The following BICD1 variants were observed in gnomAD, a reference collection of about 807,000 sequenced individuals.
The protein encoded by BICD1 is protein bicaudal D homolog 1.
In BICD1, 35 loss-of-function variants were observed where a neutral mutation model predicts 92.5. The observed-to-expected ratio is 0.38, with a 90% CI of 0.29 to 0.50. The LOEUF is 0.50. Ranked by LOEUF, BICD1 falls within the 20% of genes least tolerant of loss-of-function variation. BICD1 has a pLI of 0.93. For missense variants in BICD1, 950 were observed against 1,189.8 expected (o/e 0.80, Z 2.97); for synonymous variants, 429 against 465.1 (o/e 0.92, Z 1.00).
At chr12:32,116,504 C>CTATATATATATATATA (rs1486131484) in intron 1 of BICD1, among the ~76,000 whole-genome samples, 2 of 82,126 alleles carry the variant, frequency 2.4e-5, no homozygotes, top group East Asian at 3.7e-4. Context: ...CTCTCTCTCT[C>CTATATATATATATATA]TCTCTCTATA....
At chr12:32,221,372 TAAATAA>T (rs1484604341) in intron 2 of BICD1, among the ~76,000 whole-genome samples, 6 of 150,360 alleles carry the variant, frequency 4.0e-5, no homozygotes, top group East Asian at 2.0e-4. Flanking sequence ...AATAAATAAA[TAAATAA>T]AAATAAATAA....
At chr12:32,233,240 T>G (rs1368906187) in intron 2 of BICD1, among the ~76,000 whole-genome samples, 1 of 149,200 alleles carries the variant, frequency 6.7e-6, no homozygotes, top group African/African-American at 2.5e-5. Flanking sequence ...GAGAATCGCT[T>G]GAACCCAGGA....
intron 2 of BICD1, among the ~76,000 whole-genome samples, chr12:32,285,335 T>A (rs1947533299): frequency 6.6e-6 from 1 of 152,190 alleles, no homozygotes; most frequent in African/African-American, 2.4e-5. Context: ...ATAATTATCA[T>A]GTAATCTTAA....
intron 5 of BICD1, among the ~76,000 whole-genome samples, chr12:32,331,184 G>A (rs1456463693): frequency 6.6e-6 from 1 of 151,918 alleles, no homozygotes; most frequent in African/African-American, 2.4e-5. Flanking sequence ...TATAGATAAG[G>A]ACACTTGGCC....
intron 4 of BICD1, among the ~76,000 whole-genome samples, chr12:32,316,883 G>A (rs1948519336): frequency 6.6e-6 from 1 of 152,040 alleles, no homozygotes; most frequent in East Asian, 1.9e-4. Context: ...AGTCCCCGGT[G>A]TGTGATGTTC....
At chr12:32,239,300 C>T (rs1946168561) in intron 2 of BICD1, among the ~76,000 whole-genome samples, 1 of 149,732 alleles carries the variant, frequency 6.7e-6, no homozygotes, top group Non-Finnish European at 1.5e-5. Context: ...GGCGCTGTGG[C>T]TTACGCCTGT....
intron 1 of BICD1, among the ~76,000 whole-genome samples, chr12:32,155,788 G>A (rs1041111922): frequency 2.0e-5 from 3 of 152,222 alleles, no homozygotes; most frequent in Non-Finnish European, 4.4e-5. Context: ...TTTACATTAA[G>A]TGGTTTTATA....
intron 8 of BICD1, among the ~76,000 whole-genome samples, chr12:32,342,150 A>ATGTGTGTATATATATG (rs1396680644): frequency 1.4e-5 from 2 of 145,766 alleles, no homozygotes; most frequent in African/African-American, 5.0e-5. Flanking sequence ...GTGTATATAT[A>ATGTGTGTATATATATG]TGTGTGTATA....
chr12:32,329,109 T>A (rs556214614), intron 5 of BICD1, among the ~76,000 whole-genome samples: 29 of 152,106 alleles, frequency 1.9e-4, no homozygotes, highest in African/African-American at 7.0e-4. Context: ...ATTATTATTT[T>A]TTATTTTTGT....
intron 1 of BICD1, among the ~76,000 whole-genome samples, chr12:32,196,506 T>C (rs1363275651): frequency 2.6e-5 from 4 of 152,200 alleles, no homozygotes; most frequent in African/African-American, 9.7e-5. Flanking sequence ...GAGGACATGA[T>C]GGTAAGTAAA....
At chr12:32,162,420 G>A (rs570735598) in intron 1 of BICD1, among the ~76,000 whole-genome samples, 36 of 152,306 alleles carry the variant, frequency 2.4e-4, no homozygotes, top group Middle Eastern at 3.4e-3. Context: ...AATGACATGA[G>A]GCAGTGATTA....
intron 2 of BICD1, among the ~76,000 whole-genome samples, chr12:32,257,744 C>G (rs961065562): frequency 1.3e-5 from 2 of 152,122 alleles, no homozygotes; most frequent in Non-Finnish European, 1.5e-5. Context: ...AAATTACTAT[C>G]CACAGTAAAT....
chr12:32,368,050 G>A lies in BICD1; in HGVS notation c.2840+305G>A, dbSNP rs141934073. 344 of 267,998 alleles carry A rather than the reference G, an allele frequency of 1.3e-3. 4 individuals carry two copies. Among genetic ancestry groups the A allele is most frequent in the African/African-American group, 7.2e-3 (336 of 46,366 alleles). The allele number at this position is 267,998 out of a possible 1,614,324, so 16.6% of individuals were successfully genotyped here. ...CATTCCTTTCCAAAAAATAAAAGCTGGAATTGTTATGATGTTTGTCCTACT... is the reference window on the plus strand; with the variant it reads ...CATTCCTTTCCAAAAAATAAAAGCTAGAATTGTTATGATGTTTGTCCTACT... On this transcript the variant is annotated intron_variant, in intron 9 of 9. Coordinates refer to ENST00000652176, the MANE Select transcript of BICD1 (RefSeq NM_001714.4).
In BICD1 at chr12:32,327,494, C is replaced by A; in HGVS notation, c.1039C>A (p.Leu347Ile). ...GGAAAAGGCCATTCTTTTGGCCAAC[C>A]TACAGGAGTCACAGACACAGCTGGA... ...EREKAILLAN[L>I]QESQTQLEHT... The change falls in exon 5 of 10, where the codon CTA becomes ATA. Residue 347 changes from leucine (L) to isoleucine (I), a missense_variant. Around this residue, in one of 5 missense-constraint regions of BICD1, gnomAD observed 246 missense variants for 258.4 expected, o/e 0.95. Transcript: ENST00000652176. 1 of 1,611,556 alleles carries A rather than the reference C, an allele frequency of 6.2e-7. No individual in the cohort carries two copies. Among genetic ancestry groups the A allele is most frequent in the Non-Finnish European group, 8.5e-7 (1 of 1,178,600 alleles).
Position 32,338,972 on chromosome 12 carries a change from T to C in BICD1, c.2757T>C (p.Ala919=). ...RLSKEKRLTV[A]PPDCQQPAAS... ...GCAAGGAAAAAAGGTTAACCGTGGCTCCACCAGGTAAACATTTTTTCCTTG... is the reference window on the plus strand; with the variant it reads ...GCAAGGAAAAAAGGTTAACCGTGGCCCCACCAGGTAAACATTTTTTCCTTG... Residue 919 remains alanine (A), a synonymous_variant, in exon 8 of 10, where the codon GCT becomes GCC. Transcript: ENST00000652176. The C allele has an allele frequency of 6.3e-7, 1 of 1,590,648 alleles. No homozygotes were observed. Among genetic ancestry groups the C allele is most frequent in the Non-Finnish European group, 8.5e-7 (1 of 1,172,066 alleles).
Position 32,377,867 on chromosome 12 carries a change from C to G in BICD1, c.*240C>G. The G allele has an allele frequency of 2.5e-6, 1 of 405,880 alleles. No homozygotes were observed. The allele number at this position is 405,880 out of a possible 1,614,324, so 25.1% of individuals were successfully genotyped here. ...CTTCTGCCATCAAATGGCTACAGTT[C>G]ATTTAAATTTAAAAAAAAGAAAAAA... On this transcript the variant is annotated 3_prime_UTR_variant, in exon 10 of 10. Coordinates refer to ENST00000652176, the MANE Select transcript of BICD1 (RefSeq NM_001714.4).
chr12:32,152,129 G>T (rs1426029778), intron 1 of BICD1, among the ~76,000 whole-genome samples: 1 of 151,918 alleles, frequency 6.6e-6, no homozygotes, highest in Non-Finnish European at 1.5e-5. Context: ...GCCAATTTTT[G>T]TATTTTTAGT....
chr12:32,319,351 A>G (rs955263745), intron 4 of BICD1, among the ~76,000 whole-genome samples: 1 of 152,108 alleles, frequency 6.6e-6, no homozygotes, highest in Non-Finnish European at 1.5e-5. Flanking sequence ...TGAGATGATC[A>G]TGTGGTTTTT....
At chr12:32,231,455 C>T (rs2121577123) in intron 2 of BICD1, among the ~76,000 whole-genome samples, 1 of 151,994 alleles carries the variant, frequency 6.6e-6, no homozygotes, top group Non-Finnish European at 1.5e-5. Context: ...TGCCCCCTAC[C>T]CCCTCCTCCA....
Sources: gnomAD v4.1 joint callset for allele counts (sites outside exome capture counted in the v4.1 genomes callset) on GRCh38, gnomAD v4.1.1 for gene constraint, gnomAD v4.1.1 regional missense constraint, MANE v1.5 for transcripts, NCBI Gene and HGNC (gene_info 2026-07-23, HGNC 2026-07-21) for gene names.